The following B3GALT5 variants were observed in gnomAD, a reference collection of about 807,000 sequenced individuals.
B3GALT5 encodes the protein UDP-Gal:betaGlcNAc beta 1,3-galactosyltransferase, polypeptide 5.
For missense variants in B3GALT5, 328 were observed against 396.6 expected (o/e 0.83, Z 1.47); for synonymous variants, 156 against 158.6 (o/e 0.98, Z 0.12).
At chr21:39,620,928 G>T (rs1247067866) in intron 1 of B3GALT5, among the ~76,000 whole-genome samples, 1 of 152,022 alleles carries the variant, frequency 6.6e-6, no homozygotes, top group African/African-American at 2.4e-5. Flanking sequence ...CATCTTTTCT[G>T]GTCTTATTCC....
rs546852234 is a variant in B3GALT5 at position 39,663,705 on chromosome 21, T to C, written c.*2213T>C. ...CTAGAACTTGAAGGAACCTTAGAGCTCATTCAATCCTGCCTCCTCTTTTAT... is the reference window on the plus strand; with the variant it reads ...CTAGAACTTGAAGGAACCTTAGAGCCCATTCAATCCTGCCTCCTCTTTTAT... On this transcript the variant is annotated 3_prime_UTR_variant, in exon 4 of 4. Coordinates refer to ENST00000684187, the MANE Select transcript of B3GALT5 (RefSeq NM_001356336.2). 7.9e-5 allele frequency: 12 copies of C among 152,310 alleles called. No individual in the cohort carries two copies. The highest frequency in any genetic ancestry group is 2.9e-4 in the African/African-American group (12 of 41,566). The allele number at this position is 152,310 out of a possible 1,614,324, so 9.4% of individuals were successfully genotyped here. A position where few individuals can be genotyped will look rare whatever the true frequency, so the allele number is the denominator to read the frequency against.
chr21:39,622,658 A>C (rs1212074277), intron 1 of B3GALT5, among the ~76,000 whole-genome samples: 3 of 152,204 alleles, frequency 2.0e-5, no homozygotes, highest in Non-Finnish European at 4.4e-5. Context: ...GATTTTTTCC[A>C]ACCTGCTTAT....
At position 39,669,979 on chromosome 21, in the gene B3GALT5, A is replaced by T. The variant is rs1602317987; in HGVS notation, c.*8487A>T. ...GTCTGCCCCTTCCTGGGCCTGTTTG[A>T]CCTCCTGGGATTCGGCACTTAGTTA... On this transcript the variant is annotated 3_prime_UTR_variant, in exon 4 of 4. Coordinates refer to ENST00000684187, the MANE Select transcript of B3GALT5 (RefSeq NM_001356336.2). The T allele has an allele frequency of 6.7e-6, 1 of 149,160 alleles. No individual in the cohort carries two copies. Among genetic ancestry groups the T allele is most frequent in the Non-Finnish European group, 1.5e-5 (1 of 67,494 alleles). 9.2% of individuals were successfully genotyped at this position (149,160 alleles called of 1,614,324 possible).
intron 1 of B3GALT5, among the ~76,000 whole-genome samples, chr21:39,638,446 C>T (rs964450134): frequency 1.3e-5 from 2 of 152,162 alleles, no homozygotes; most frequent in Admixed American, 6.5e-5. Context: ...CTAGGGCAGT[C>T]GGGGGAGAGC....
rs551928933 is a variant in B3GALT5 at position 39,671,856 on chromosome 21, A to T, written c.*10364A>T. On this transcript the variant is annotated 3_prime_UTR_variant, in exon 4 of 4. Transcript: ENST00000684187. ...TGCTAGGAACGGACCTCTTGCTCTC[A>T]GATTGGCCTTGAAGCTGAAGGGAAC... The T allele has an allele frequency of 6.6e-6, 1 of 152,212 alleles. No homozygotes were observed. The highest frequency in any genetic ancestry group is 1.9e-4 in the East Asian group (1 of 5,190). The allele number at this position is 152,212 out of a possible 1,614,324, so 9.4% of individuals were successfully genotyped here.
chr21:39,617,443 T>C (rs376213912), intron 1 of B3GALT5, among the ~76,000 whole-genome samples: 9 of 152,202 alleles, frequency 5.9e-5, no homozygotes, highest in African/African-American at 2.2e-4. Context: ...GAGGCAGGCA[T>C]GTCTTACATG....
chr21:39,648,602 G>T (rs1217436347), intron 2 of B3GALT5, among the ~76,000 whole-genome samples: 1 of 152,182 alleles, frequency 6.6e-6, no homozygotes, highest in African/African-American at 2.4e-5. Flanking sequence ...GCAGTTGAGG[G>T]AAATCTGAGG....
At chr21:39,633,898 T>C (rs2079208314) in intron 1 of B3GALT5, among the ~76,000 whole-genome samples, 1 of 152,208 alleles carries the variant, frequency 6.6e-6, no homozygotes, top group Non-Finnish European at 1.5e-5. Flanking sequence ...GAAAGCTGAT[T>C]AAAGTCAAAT....
Position 39,660,940 on chromosome 21 carries a change from C to G in B3GALT5, c.381C>G (p.Val127=), listed in dbSNP as rs772270032. 1.2e-6 allele frequency: 2 copies of G among 1,606,122 alleles called. No individual in the cohort carries two copies. Among genetic ancestry groups the G allele is most frequent in the Non-Finnish European group, 1.7e-6 (2 of 1,175,528 alleles). The part of the protein sequence containing the change: ...GDIIQKDFLD[V]YYNLTLKTMM... ...TTATCCAGAAGGATTTCCTAGACGT[C>G]TATTACAATCTGACCCTGAAGACCA... The change falls in exon 4 of 4, where the codon GTC becomes GTG. Residue 127 remains valine (V), a synonymous_variant. Coordinates refer to ENST00000684187, the MANE Select transcript of B3GALT5 (RefSeq NM_001356336.2).
intron 1 of B3GALT5, among the ~76,000 whole-genome samples, chr21:39,617,735 T>A (rs2079114037): frequency 6.6e-6 from 1 of 152,228 alleles, no homozygotes; most frequent in African/African-American, 2.4e-5. Context: ...ATAAACTTTT[T>A]AAAAACTTTG....
At position 39,669,810 on chromosome 21, in the gene B3GALT5, T is replaced by C. The variant is rs1397413123; in HGVS notation, c.*8318T>C. The C allele has an allele frequency of 6.6e-6, 1 of 152,170 alleles. No individual in the cohort carries two copies. Among genetic ancestry groups the C allele is most frequent in the East Asian group, 1.9e-4 (1 of 5,180 alleles). The allele number at this position is 152,170 out of a possible 1,614,324, so 9.4% of individuals were successfully genotyped here. A position where few individuals can be genotyped will look rare whatever the true frequency, so the allele number is the denominator to read the frequency against. ...TGCCTCCCGCGAGCAGCCTTGCTTT[T>C]CTCCACTTGGCACAGTGGTGAGTCC... On this transcript the variant is annotated 3_prime_UTR_variant, in exon 4 of 4. Transcript: ENST00000684187.
At chr21:39,617,362 A>G (rs1244170089) in intron 1 of B3GALT5, among the ~76,000 whole-genome samples, 2 of 152,248 alleles carry the variant, frequency 1.3e-5, no homozygotes, top group East Asian at 1.9e-4. Context: ...TATAAAGGAA[A>G]GAGGTTTAAT....
intron 1 of B3GALT5, among the ~76,000 whole-genome samples, chr21:39,617,724 C>T (rs1305098676): frequency 2.6e-5 from 4 of 152,290 alleles, no homozygotes; most frequent in Admixed American, 6.5e-5. Flanking sequence ...CAAACAAATT[C>T]ATAAACTTTT....
At chr21:39,632,465 A>T (rs1780649119) in intron 1 of B3GALT5, among the ~76,000 whole-genome samples, 1 of 152,194 alleles carries the variant, frequency 6.6e-6, no homozygotes, top group Admixed American at 6.5e-5. Context: ...TTGATTTGGA[A>T]GGGAAAGAAA....
At chr21:39,623,534 G>A (rs1400935818) in intron 1 of B3GALT5, among the ~76,000 whole-genome samples, 1 of 151,776 alleles carries the variant, frequency 6.6e-6, no homozygotes, top group Non-Finnish European at 1.5e-5. Flanking sequence ...TACTATTTCT[G>A]TGTTTGAAAA....
chr21:39,628,967 C>T (rs933803189), intron 1 of B3GALT5, among the ~76,000 whole-genome samples: 26 of 152,154 alleles, frequency 1.7e-4, no homozygotes, highest in African/African-American at 6.0e-4. Flanking sequence ...TGAGATTCCA[C>T]CCAGTTCCCT....
intron 1 of B3GALT5, chr21:39,630,348 A>G (rs1443347286): frequency 6.6e-6 from 1 of 152,134 alleles, no homozygotes; most frequent in Admixed American, 6.5e-5. Context: ...CAGATTCTGC[A>G]AGAAACCCAA....
At chr21:39,654,900 G>A (rs1396697766) in intron 2 of B3GALT5, among the ~76,000 whole-genome samples, 1 of 152,158 alleles carries the variant, frequency 6.6e-6, no homozygotes. Flanking sequence ...ATAGACTCCA[G>A]TATATTGTAA....
At chr21:39,651,545 A>G (rs12483482) in intron 2 of B3GALT5, among the ~76,000 whole-genome samples, 30 of 152,316 alleles carry the variant, frequency 2.0e-4, no homozygotes, top group East Asian at 1.2e-3. Context: ...GGATCCCCCA[A>G]TGACCTCACT....
Sources: allele counts gnomAD v4.1 joint callset (sites outside exome capture counted in the v4.1 genomes callset), GRCh38; gene constraint gnomAD v4.1.1; transcripts MANE v1.5; gene names NCBI Gene and HGNC (gene_info 2026-07-23, HGNC 2026-07-21).